NR3C1: variants seen among roughly 807,000 people sequenced by gnomAD.
NR3C1 encodes the protein glucocorticoid receptor.
A neutral mutation model predicts 74.0 loss-of-function variants in NR3C1; 14 were observed. The observed-to-expected ratio is 0.19, with a 90% CI of 0.12 to 0.30. NR3C1 has a LOEUF of 0.30. NR3C1 is among the 10% of genes least tolerant of loss of function. NR3C1 has a pLI of 1.00. For synonymous variants in NR3C1, 308 were observed against 332.5 expected (o/e 0.93, Z 0.80); for missense variants, 695 against 909.8 (o/e 0.76, Z 3.04).
At chr5:143,398,977 C>A (rs982731138) in intron 2 of NR3C1, among the ~76,000 whole-genome samples, 3 of 152,092 alleles carry the variant, frequency 2.0e-5, no homozygotes, top group African/African-American at 7.2e-5. Context: ...TGTTTTGCAC[C>A]ATGTTGACAC....
chr5:143,287,999 A>C (rs1814885957), intron 7 of NR3C1, among the ~76,000 whole-genome samples: 1 of 152,208 alleles, frequency 6.6e-6, no homozygotes, highest in South Asian at 2.1e-4. Context: ...TCTTTACAGA[A>C]GACTATTTGT....
chr5:143,410,113 GT>G (rs1841243291), intron 1 of NR3C1, among the ~76,000 whole-genome samples: 1 of 152,172 alleles, frequency 6.6e-6, no homozygotes, highest in South Asian at 2.1e-4. Context: ...ATTGCAACAA[GT>G]ATTACGTACT....
At chr5:143,391,510 T>C (rs1838214896) in intron 2 of NR3C1, among the ~76,000 whole-genome samples, 1 of 152,190 alleles carries the variant, frequency 6.6e-6, no homozygotes, top group African/African-American at 2.4e-5. Context: ...AATCTTTGCA[T>C]ACTTGATTAT....
chr5:143,424,359 G>C (rs923799611), intron 1 of NR3C1, among the ~76,000 whole-genome samples: 1 of 152,054 alleles, frequency 6.6e-6, no homozygotes, highest in African/African-American at 2.4e-5. Context: ...AAATAACTAA[G>C]AGTGGAATTG....
intron 2 of NR3C1, among the ~76,000 whole-genome samples, chr5:143,356,268 C>CTAA (rs772383723): frequency 6.6e-6 from 1 of 152,006 alleles, no homozygotes; most frequent in Non-Finnish European, 1.5e-5. Flanking sequence ...TGGATTTGAA[C>CTAA]TTAAGCCAAT....
chr5:143,398,056 A>G (rs1166395180), intron 2 of NR3C1, among the ~76,000 whole-genome samples: 1 of 151,968 alleles, frequency 6.6e-6, no homozygotes, highest in African/African-American at 2.4e-5. Context: ...TTATAAATCA[A>G]TTTAAGAGTT....
intron 2 of NR3C1, among the ~76,000 whole-genome samples, chr5:143,343,851 T>C (rs185557070): frequency 5.9e-5 from 9 of 152,370 alleles, no homozygotes; most frequent in African/African-American, 2.2e-4. Context: ...TCTATCACTA[T>C]GCTCTTTCAA....
intron 2 of NR3C1, among the ~76,000 whole-genome samples, chr5:143,364,233 T>C (rs1262964928): frequency 6.6e-6 from 1 of 152,240 alleles, no homozygotes; most frequent in Non-Finnish European, 1.5e-5. Context: ...GACAGTACGA[T>C]GACATATTCA....
At chr5:143,301,278 T>C (rs948910645) in intron 4 of NR3C1, among the ~76,000 whole-genome samples, 6 of 152,178 alleles carry the variant, frequency 3.9e-5, no homozygotes, top group African/African-American at 1.2e-4. Flanking sequence ...CAAAGCCACT[T>C]ATAAAGATAG....
chr5:143,383,117 A>T (rs1401594885), intron 2 of NR3C1, among the ~76,000 whole-genome samples: 1 of 152,264 alleles, frequency 6.6e-6, no homozygotes, highest in African/African-American at 2.4e-5. Context: ...TGTGTCCTAC[A>T]AATGTCTTGA....
chr5:143,294,172 A>G, intron 7 of NR3C1: 1 of 984,882 alleles, frequency 1.0e-6, no homozygotes, highest in Non-Finnish European at 1.2e-6. Context: ...ATATGAAATG[A>G]TTAAATAAAA....
chr5:143,292,077 T>C (rs928534081), intron 7 of NR3C1, among the ~76,000 whole-genome samples: 2 of 152,192 alleles, frequency 1.3e-5, no homozygotes, highest in African/African-American at 2.4e-5. Flanking sequence ...AGACTTTTAG[T>C]GTGAGGTTTC....
At chr5:143,433,009 C>T (rs1205119555) in intron 1 of NR3C1, among the ~76,000 whole-genome samples, 2 of 152,066 alleles carry the variant, frequency 1.3e-5, no homozygotes, top group African/African-American at 4.8e-5. Context: ...GACAGTAGCT[C>T]GATTTAGTTT....
intron 2 of NR3C1, among the ~76,000 whole-genome samples, chr5:143,377,589 T>C (rs552297308): frequency 2.4e-4 from 36 of 152,338 alleles, no homozygotes; most frequent in African/African-American, 8.2e-4. Flanking sequence ...AAAAAACACA[T>C]GATTTATCTT....
At chr5:143,310,787 A>G (rs1820755609) in intron 3 of NR3C1, among the ~76,000 whole-genome samples, 1 of 152,134 alleles carries the variant, frequency 6.6e-6, no homozygotes. Flanking sequence ...ACTCCCGAGT[A>G]GCTGGGATTA....
At chr5:143,369,393 T>G (rs764354681) in intron 2 of NR3C1, among the ~76,000 whole-genome samples, 2 of 152,218 alleles carry the variant, frequency 1.3e-5, no homozygotes, top group Non-Finnish European at 2.9e-5. Flanking sequence ...AACTTGTATA[T>G]GAATGTTCTT....
intron 2 of NR3C1, among the ~76,000 whole-genome samples, chr5:143,318,674 C>T (rs1282188001): frequency 6.6e-6 from 1 of 152,078 alleles, no homozygotes; most frequent in African/African-American, 2.4e-5. Context: ...GGGAAAACAT[C>T]GCCAAATACC....
chr5:143,400,867 A>C lies in NR3C1; in HGVS notation c.-13-15T>G. The C allele has an allele frequency of 1.3e-6, 2 of 1,589,864 alleles. No homozygotes were observed. Among genetic ancestry groups the C allele is most frequent in the South Asian group, 1.1e-5 (1 of 90,468 alleles). ...GTGAATATCAACTACAAAACAAAAA[A>C]CAAAAACGGGGGGAAAACATCATAA... On this transcript the variant is annotated splice_polypyrimidine_tract_variant and intron_variant, in intron 1 of 8. Transcript: ENST00000394464.
chr5:143,330,063 G>T (rs1825653178), intron 2 of NR3C1, among the ~76,000 whole-genome samples: 1 of 152,094 alleles, frequency 6.6e-6, no homozygotes, highest in Admixed American at 6.5e-5. Flanking sequence ...TTTAACAATA[G>T]AATATAAGTT....
Sources: allele counts gnomAD v4.1 joint callset (sites outside exome capture counted in the v4.1 genomes callset), GRCh38; gene constraint gnomAD v4.1.1; transcripts MANE v1.5; gene names NCBI Gene and HGNC (gene_info 2026-07-23, HGNC 2026-07-21).